OOSP1: variants seen among roughly 807,000 people sequenced by gnomAD.
OOSP1 encodes the protein putative oocyte-secreted protein 1 homolog.
In OOSP1, 11 loss-of-function variants were observed where a neutral mutation model predicts 5.7. The ratio of observed to expected loss-of-function variants is 1.94; its 90% CI spans 1.22 to 3.20. The LOEUF (loss-of-function observed/expected upper bound fraction) is 3.20. Ranked by LOEUF, OOSP1 falls within the 30% of genes most tolerant of loss-of-function variation. The pLI, the probability that OOSP1 is intolerant of heterozygous loss-of-function variation, is 0.00. For synonymous variants in OOSP1, 44 were observed against 20.0 expected (o/e 2.20, Z -3.20); for missense variants, 83 against 54.1 (o/e 1.53, Z -1.67).
intron 4 of OOSP1, among the ~76,000 whole-genome samples, chr11:59,956,238 G>A (rs779976437): frequency 6.7e-6 from 1 of 149,924 alleles, no homozygotes; most frequent in East Asian, 2.0e-4. Context: ...ATTGTCAAAT[G>A]TATTAGTTCA....
At chr11:59,957,078 G>A (rs1364719607) in intron 4 of OOSP1, 117 bp from the exon 5 acceptor site, 1 of 390,444 alleles carries the variant, frequency 2.6e-6, no homozygotes, top group African/African-American at 2.1e-5. Flanking sequence ...ATGCCTTTCT[G>A]TTCACTTTTA....
intron 3 of OOSP1, among the ~76,000 whole-genome samples, chr11:59,947,268 A>G (rs539658688): frequency 2.6e-4 from 39 of 152,122 alleles, no homozygotes; most frequent in Non-Finnish European, 5.3e-4. Flanking sequence ...TGCTAACTCA[A>G]TGAGGTAGAT....
At position 59,945,880 on chromosome 11, in the gene OOSP1, T is replaced by C. The variant is rs145633938; in HGVS notation, c.356+614T>C. ...GGGGAGACCTCAGAGTTTTTACTCATGGCGGAAGGCAACGGAAGGCAACAG... is the reference window on the plus strand; with the variant it reads ...GGGGAGACCTCAGAGTTTTTACTCACGGCGGAAGGCAACGGAAGGCAACAG... On this transcript the variant is annotated intron_variant, in intron 3 of 4. Coordinates refer to ENST00000646685, the Ensembl canonical transcript of OOSP1. Among the ~76,000 whole-genome samples, 486 of 151,608 alleles carry C rather than the reference T, an allele frequency of 3.2e-3. 3 individuals are homozygous for C. Among genetic ancestry groups the C allele is most frequent in the African/African-American group, 0.011 (457 of 41,298 alleles).
rs1015693922 is a variant in OOSP1, at chr11:59,946,384, G to A, written c.356+1118G>A. On this transcript the variant is annotated intron_variant, in intron 3 of 4. Coordinates refer to ENST00000646685, the Ensembl canonical transcript of OOSP1. ...TGGGGACTGCCGTGCTAAACCATTCGTGAAGGGTCCACCTCCGTGACCCCA... is the reference window on the plus strand; with the variant it reads ...TGGGGACTGCCGTGCTAAACCATTCATGAAGGGTCCACCTCCGTGACCCCA... 1.1e-4 allele frequency among the ~76,000 whole-genome samples: 17 copies of A among 152,244 alleles called. No individual in the cohort carries two copies. The South Asian group carries it at 1.9e-3, about 17-fold the overall frequency.
chr11:59,940,596 G>A (rs768300194), intron 1 of OOSP1, among the ~76,000 whole-genome samples: 2 of 152,172 alleles, frequency 1.3e-5, no homozygotes, highest in Non-Finnish European at 2.9e-5. Flanking sequence ...TAAATGCATT[G>A]CAAATTGTTT....
chr11:59,945,989 AC>A (rs1853879200), intron 3 of OOSP1, among the ~76,000 whole-genome samples: 1 of 152,054 alleles, frequency 6.6e-6, no homozygotes, highest in Admixed American at 6.5e-5. Flanking sequence ...TTAAAAAACC[AC>A]ATCTCCCGAG....
At chr11:59,953,914 A>G (rs931418024) in intron 4 of OOSP1, among the ~76,000 whole-genome samples, 2 of 152,214 alleles carry the variant, frequency 1.3e-5, no homozygotes, top group African/African-American at 4.8e-5. Flanking sequence ...GTTGCTTACT[A>G]ATCGGAATAT....
At chr11:59,938,588 T>C (rs1033832431) in intron 1 of OOSP1, 58 bp downstream of exon 1, 32 of 457,718 alleles carry the variant, frequency 7.0e-5, no homozygotes, top group Non-Finnish European at 1.2e-4. Flanking sequence ...AGATGTGGCT[T>C]TGGATTCTTT....
intron 4 of OOSP1, among the ~76,000 whole-genome samples, chr11:59,954,331 T>A (rs1269209424): frequency 6.6e-6 from 1 of 152,150 alleles, no homozygotes; most frequent in Non-Finnish European, 1.5e-5. Flanking sequence ...AGCAGACATG[T>A]GCAGTACGTA....
intron 4 of OOSP1, among the ~76,000 whole-genome samples, chr11:59,954,877 T>G (rs1224631533): frequency 1.3e-5 from 2 of 152,096 alleles, no homozygotes; most frequent in Non-Finnish European, 2.9e-5. Context: ...GGCCTTTTTT[T>G]CTTTAATCAG....
rs76182289 is a variant in OOSP1 at position 59,947,907 on chromosome 11, A to G, written c.486+45A>G. ...GGCATCTTATGATTTTTGTCCAGGTATGTCCTAGATACCAGTCAATACAAT... is the reference window on the plus strand; with the variant it reads ...GGCATCTTATGATTTTTGTCCAGGTGTGTCCTAGATACCAGTCAATACAAT... On this transcript the variant is annotated intron_variant, in intron 4 of 4. Coordinates refer to ENST00000646685, the Ensembl canonical transcript of OOSP1. 2.8e-5 allele frequency: 11 copies of G among 398,336 alleles called. No individual in the cohort carries two copies. In the East Asian group the frequency reaches 3.9e-4, roughly 14 times the overall value. The allele number at this position is 398,336 out of a possible 1,614,324, so 24.7% of individuals were successfully genotyped here.
At chr11:59,956,695 T>C (rs895199334) in intron 4 of OOSP1, among the ~76,000 whole-genome samples, 1 of 152,218 alleles carries the variant, frequency 6.6e-6, no homozygotes, top group Admixed American at 6.5e-5. Context: ...CAGTCTTTTA[T>C]CCCTTGCCCC....
intron 4 of OOSP1, among the ~76,000 whole-genome samples, chr11:59,956,200 CTTT>C (rs372566221): frequency 0.011 from 1,574 of 145,908 alleles, 29 homozygotes; most frequent in African/African-American, 0.037. Context: ...TCTTCTTCTT[CTTT>C]TTTTTTTTAA....
intron 3 of OOSP1, 80 bp downstream of exon 3, chr11:59,945,346 T>A (rs1853870037): frequency 2.9e-6 from 2 of 701,708 alleles, no homozygotes; most frequent in Non-Finnish European, 5.2e-6. Flanking sequence ...CCTGAAAGGT[T>A]AAATGGTACA....
At position 59,942,708 on chromosome 11, in the gene OOSP1, T is replaced by G. The variant is rs866265512; in HGVS notation, c.77-139T>G. On this transcript the variant is annotated intron_variant, in intron 1 of 4. Coordinates refer to ENST00000646685, the Ensembl canonical transcript of OOSP1. ...AAGTAATAATTCAGAGACCATGTTT[T>G]GCAAACTTGTTCACCTCTTAAGACA... The G allele has an allele frequency of 7.8e-5, 45 of 574,154 alleles. No individual in the cohort carries two copies. The Middle Eastern group carries it at 1.4e-3, about 18-fold the overall frequency. 35.6% of individuals were successfully genotyped at this position (574,154 alleles called of 1,614,324 possible).
chr11:59,954,641 C>CTATA (rs1162052487), intron 4 of OOSP1, among the ~76,000 whole-genome samples: 209 of 151,556 alleles, frequency 1.4e-3, no homozygotes, highest in African/African-American at 4.8e-3. Context: ...ATCTATCTAT[C>CTATA]TATCTATCTA....
At chr11:59,956,686 A>G (rs528892863) in intron 4 of OOSP1, among the ~76,000 whole-genome samples, 8 of 152,170 alleles carry the variant, frequency 5.3e-5, no homozygotes, top group African/African-American at 1.7e-4. Flanking sequence ...CTATATTTAC[A>G]GTCTTTTATC....
chr11:59,953,328 T>G (rs1853959595), intron 4 of OOSP1, among the ~76,000 whole-genome samples: 4 of 152,158 alleles, frequency 2.6e-5, no homozygotes, highest in Non-Finnish European at 5.9e-5. Context: ...GGCTCTGGTC[T>G]CCTGACTTTG....
rs541208305 is a variant in OOSP1 at position 59,944,714 on chromosome 11, T to G, written c.259-455T>G. Among the ~76,000 whole-genome samples, 388 of 152,328 alleles carry G rather than the reference T, an allele frequency of 2.5e-3. 3 individuals carry two copies. The highest frequency in any genetic ancestry group is 3.8e-3 in the Admixed American group (58 of 15,298). On this transcript the variant is annotated intron_variant, in intron 2 of 4. Transcript: ENST00000646685. ...TAATCACTATTATTCTTTACCACCA[T>G]AATTATTGCTTTTTTTAGAAATAAG...
Sources: allele counts gnomAD v4.1 joint callset (sites outside exome capture counted in the v4.1 genomes callset), GRCh38; gene constraint gnomAD v4.1.1; transcripts MANE v1.5; gene names NCBI Gene and HGNC (gene_info 2026-07-23, HGNC 2026-07-21).